Variants in ZDHHC7 observed in about 807,000 individuals in gnomAD.
The protein encoded by ZDHHC7 is zDHHC palmitoyltransferase 7, also known as palmitoyltransferase ZDHHC7.
ZDHHC7 carries 12 observed loss-of-function variants against 34.1 expected under a neutral mutation model. The observed-to-expected ratio is 0.35, with a 90% CI of 0.23 to 0.57. The LOEUF is 0.57. Ranked by LOEUF, ZDHHC7 falls within the 20% of genes least tolerant of loss-of-function variation. ZDHHC7 has a pLI of 0.84. For missense variants in ZDHHC7, 388 were observed against 402.7 expected, an observed-to-expected ratio of 0.96 and a Z score of 0.31; for synonymous variants, 185 against 155.4, an observed-to-expected ratio of 1.19 and a Z score of -1.42.
the ZDHHC7 span, among the ~76,000 whole-genome samples, chr16:85,023,458 C>A: frequency 2.1e-4 from 32 of 152,172 alleles, no homozygotes; most frequent in African/African-American, 7.5e-4. Context: ...AGCCACCACA[C>A]CTGGCCAATT....
chr16:85,027,586 T>A, the ZDHHC7 span, among the ~76,000 whole-genome samples: 1 of 152,050 alleles, frequency 6.6e-6, no homozygotes, highest in Admixed American at 6.5e-5. Flanking sequence ...GCGCCGGGCG[T>A]ACCCGAGAGC....
At chr16:85,005,590 A>AT (rs1740089353) in intron 1 of ZDHHC7, among the ~76,000 whole-genome samples, 1 of 152,242 alleles carries the variant, frequency 6.6e-6, no homozygotes, top group South Asian at 2.1e-4. Context: ...TTCCACTAAA[A>AT]TACACTGGCT....
chr16:85,018,754 T>C, the ZDHHC7 span, among the ~76,000 whole-genome samples: 35,215 of 151,874 alleles, frequency 0.23, 4,371 homozygotes, highest in East Asian at 0.3. Context: ...CCAGCTGGTG[T>C]CTTCTCTATT....
At position 84,975,480 on chromosome 16, in the gene ZDHHC7, A is replaced by G. The variant is rs1440700915; in HGVS notation, c.*863T>C. 1 of 152,588 alleles carries G rather than the reference A, an allele frequency of 6.6e-6. No individual in the cohort carries two copies. Among genetic ancestry groups the G allele is most frequent in the Non-Finnish European group, 1.5e-5 (1 of 68,028 alleles). The allele number at this position is 152,588 out of a possible 1,614,324, so 9.5% of individuals were successfully genotyped here. The stretch of plus-strand genomic sequence containing the variant: ...AAAAAAATCAGTTCCAAGGCCCTCA[A>G]GCACTCAAGATTTCTTTAAAAAATG... On this transcript the variant is annotated 3_prime_UTR_variant, in exon 8 of 8. Transcript: ENST00000313732.
At chr16:85,009,031 G>C (rs1193187836) in intron 1 of ZDHHC7, among the ~76,000 whole-genome samples, 1 of 132,632 alleles carries the variant, frequency 7.5e-6, no homozygotes, top group Non-Finnish European at 1.5e-5. Context: ...GGCAACAAGA[G>C]CGAAACTCCG....
At chr16:84,981,723 C>G (rs1240631500) in intron 4 of ZDHHC7, 147 bp downstream of exon 4, 2 of 1,482,626 alleles carry the variant, frequency 1.3e-6, no homozygotes, top group South Asian at 1.3e-5. Context: ...CCAGAAAGAA[C>G]ATGACACCTA....
Position 84,976,337 on chromosome 16 carries a change from C to G in ZDHHC7, c.*6G>C. 6.2e-7 allele frequency: 1 copy of G among 1,613,172 alleles called. No individual in the cohort carries two copies. The highest frequency in any genetic ancestry group is 8.5e-7 in the Non-Finnish European group (1 of 1,179,854). ...GTGAGCAAGTTTCAGTCTGATGAGC[C>G]ACGCCTCACACTGAGAACTCCGGGC... On this transcript the variant is annotated 3_prime_UTR_variant, in exon 8 of 8. Transcript: ENST00000313732.
chr16:84,987,889 A>G (rs9922879), intron 3 of ZDHHC7, among the ~76,000 whole-genome samples: 4,496 of 152,360 alleles, frequency 0.03, 224 homozygotes, highest in African/African-American at 0.1. Context: ...ACAGGCGGCC[A>G]GGCGCAGTGG....
upstream of ZDHHC7, chr16:85,011,632 C>G (rs1037437530): frequency 7.2e-5 from 11 of 152,352 alleles, no homozygotes; most frequent in Non-Finnish European, 1.5e-4. Flanking sequence ...GACCCGGAGG[C>G]TCTTACAAAC....
chr16:85,021,842 T>C, the ZDHHC7 span, among the ~76,000 whole-genome samples: 1 of 151,366 alleles, frequency 6.6e-6, no homozygotes, highest in South Asian at 2.1e-4. Flanking sequence ...TCCAGCTGCT[T>C]TGTGGAGGAC....
the ZDHHC7 span, among the ~76,000 whole-genome samples, chr16:85,022,602 T>C: frequency 9.2e-5 from 14 of 152,318 alleles, 1 homozygote; most frequent in South Asian, 2.9e-3. Context: ...GCTAAACCAC[T>C]AGCTGAAAGT....
the ZDHHC7 span, among the ~76,000 whole-genome samples, chr16:85,023,420 C>T: frequency 1.3e-5 from 2 of 152,044 alleles, no homozygotes; most frequent in African/African-American, 2.4e-5. Context: ...CCGCCTCGGC[C>T]TCCCAAAGTG....
rs1480814488 is a variant in ZDHHC7 at position 84,982,003 on chromosome 16, TAAG to T, written c.316-12_316-10del. The T allele has an allele frequency of 6.2e-7, 1 of 1,613,896 alleles. No individual in the cohort carries two copies. Among genetic ancestry groups the T allele is most frequent in the Non-Finnish European group, 8.5e-7 (1 of 1,179,900 alleles). ...CCTTTGGGTACTGCCCCCTACCATA[TAAG>T]AAGAATGTACTTTAGTTGGGGAGAA... On this transcript the variant is annotated splice_polypyrimidine_tract_variant and intron_variant, in intron 3 of 7. Transcript: ENST00000313732.
rs1333650272 is a variant in ZDHHC7 at position 84,977,420 on chromosome 16, T to C, written c.620-195A>G. The C allele has an allele frequency of 8.0e-6, 5 of 628,604 alleles. No individual in the cohort carries two copies. In the South Asian group the frequency reaches 1.1e-4, roughly 14 times the overall value. The allele number at this position is 628,604 out of a possible 1,614,324, so 38.9% of individuals were successfully genotyped here. A position where few individuals can be genotyped will look rare whatever the true frequency, so the allele number is the denominator to read the frequency against. On this transcript the variant is annotated intron_variant, in intron 6 of 7. Coordinates refer to ENST00000313732, the MANE Select transcript of ZDHHC7 (RefSeq NM_017740.3). The stretch of plus-strand genomic sequence containing the variant: ...CCCTTCCAAGCAAAAATTCATACCA[T>C]GACTTCCTGGCCAGTGGTTTCAAAA...
intron 7 of ZDHHC7, 144 bp from the exon 8 acceptor site, chr16:84,976,663 A>C (rs1222586461): frequency 2.5e-6 from 3 of 1,219,592 alleles, no homozygotes; most frequent in Non-Finnish European, 3.4e-6. Flanking sequence ...CTCTGCCCCG[A>C]TCCAGACCCC....
upstream of ZDHHC7, among the ~76,000 whole-genome samples, chr16:85,014,567 A>G (rs2072826593): frequency 6.6e-6 from 1 of 152,212 alleles, no homozygotes; most frequent in African/African-American, 2.4e-5. Flanking sequence ...CTACAGAACA[A>G]GAACAGCGAG....
At position 84,987,448 on chromosome 16, in the gene ZDHHC7, GTT is replaced by G. The variant is rs5818520; in HGVS notation, c.315+2854_315+2855del. Among the ~76,000 whole-genome samples, 245 of 145,256 alleles carry G rather than the reference GTT, an allele frequency of 1.7e-3. 2 individuals are homozygous for G. The highest frequency in any genetic ancestry group is 0.014 in the Middle Eastern group (4 of 282). Reference sequence around the variant, plus strand: ...TGGATGCTTCGATGTTTTGGGGTTTGTTTTTTTTTTTTCATCATTCCCTTCCC... The same window carrying G: ...TGGATGCTTCGATGTTTTGGGGTTTGTTTTTTTTTTCATCATTCCCTTCCC... On this transcript the variant is annotated intron_variant, in intron 3 of 7. Coordinates refer to ENST00000313732, the MANE Select transcript of ZDHHC7 (RefSeq NM_017740.3).
At chr16:84,996,686 C>T (rs554664939) in intron 1 of ZDHHC7, among the ~76,000 whole-genome samples, 5 of 152,220 alleles carry the variant, frequency 3.3e-5, no homozygotes, top group African/African-American at 1.2e-4. Flanking sequence ...GGGAAACCCC[C>T]GCCACGGACA....
chr16:85,004,828 C>G (rs1329351436), intron 1 of ZDHHC7: 3 of 151,992 alleles, frequency 2.0e-5, no homozygotes, highest in Non-Finnish European at 4.4e-5. Flanking sequence ...GGCCAGAGGC[C>G]CAAAGGAGCC....
Sources: gnomAD v4.1 joint callset for allele counts (sites outside exome capture counted in the v4.1 genomes callset) on GRCh38, gnomAD v4.1.1 for gene constraint, MANE v1.5 for transcripts, NCBI Gene and HGNC (gene_info 2026-07-23, HGNC 2026-07-21) for gene names.